The following RALGAPA1 variants were observed in gnomAD, a reference collection of about 807,000 sequenced individuals.
The protein encoded by RALGAPA1 is Ral GTPase activating protein catalytic subunit alpha 1.
In RALGAPA1, 52 loss-of-function variants were observed where a neutral mutation model predicts 269.6. The observed-to-expected ratio is 0.19, with a 90% CI of 0.15 to 0.24. RALGAPA1 has a LOEUF of 0.24. RALGAPA1 is among the 10% of genes least tolerant of loss of function. The pLI is 1.00. For missense variants in RALGAPA1, 1,917 were observed against 3,013.9 expected, an observed-to-expected ratio of 0.64 and a Z score of 8.52; for synonymous variants, 817 against 1,008.3, an observed-to-expected ratio of 0.81 and a Z score of 3.60.
chr14:35,735,533 A>C (rs920644289), intron 12 of RALGAPA1, among the ~76,000 whole-genome samples: 1 of 152,138 alleles, frequency 6.6e-6, no homozygotes, highest in African/African-American at 2.4e-5. Flanking sequence ...CATGAGAATG[A>C]TACAAGGGAC....
intron 27 of RALGAPA1, among the ~76,000 whole-genome samples, chr14:35,660,286 T>C (rs2063453583): frequency 6.6e-6 from 1 of 151,980 alleles, no homozygotes; most frequent in African/African-American, 2.4e-5. Context: ...CAAAAAACTG[T>C]TAGAACTAAT....
At chr14:35,749,006 G>A (rs1318478006) in intron 9 of RALGAPA1, among the ~76,000 whole-genome samples, 182 bp from the exon 10 acceptor site, 1 of 152,126 alleles carries the variant, frequency 6.6e-6, no homozygotes, top group East Asian at 1.9e-4. Flanking sequence ...AAGTGGCAAT[G>A]CAAGTAACTC....
chr14:35,772,359 G>A (rs946148040), intron 3 of RALGAPA1, among the ~76,000 whole-genome samples: 5 of 152,156 alleles, frequency 3.3e-5, no homozygotes, highest in Admixed American at 2.0e-4. Flanking sequence ...CCCGGACAGA[G>A]AGCAGGATTT....
chr14:35,784,563 G>A (rs2075674687), intron 1 of RALGAPA1, among the ~76,000 whole-genome samples: 1 of 151,988 alleles, frequency 6.6e-6, no homozygotes, highest in South Asian at 2.1e-4. Context: ...TCAACCCCTT[G>A]ACATCCTAAT....
chr14:35,802,702 A>G (rs1329482995), intron 1 of RALGAPA1, among the ~76,000 whole-genome samples: 1 of 151,110 alleles, frequency 6.6e-6, no homozygotes, highest in East Asian at 1.9e-4. Flanking sequence ...TAAAAAAAAA[A>G]ATACAGTGTC....
intron 39 of RALGAPA1, among the ~76,000 whole-genome samples, chr14:35,560,048 A>T (rs2056048065): frequency 6.6e-6 from 1 of 152,242 alleles, no homozygotes; most frequent in Non-Finnish European, 1.5e-5. Flanking sequence ...TAATTATCAT[A>T]AAAAAGACTT....
At chr14:35,583,622 G>A (rs1381403628) in intron 37 of RALGAPA1, among the ~76,000 whole-genome samples, 1 of 152,106 alleles carries the variant, frequency 6.6e-6, no homozygotes. Flanking sequence ...ACACCACGCA[G>A]GGTAAATGTC....
At chr14:35,606,796 T>C (rs1311896816) in intron 35 of RALGAPA1, among the ~76,000 whole-genome samples, 2 of 150,638 alleles carry the variant, frequency 1.3e-5, no homozygotes, top group South Asian at 4.2e-4. Context: ...TAAATAAGGA[T>C]TAAAGTTCTT....
intron 37 of RALGAPA1, among the ~76,000 whole-genome samples, chr14:35,588,271 T>C (rs1208695955): frequency 6.6e-6 from 1 of 152,194 alleles, no homozygotes; most frequent in African/African-American, 2.4e-5. Flanking sequence ...ATTTGTCTTA[T>C]TTGCTATGAT....
intron 9 of RALGAPA1, 80 bp from the exon 10 acceptor site, chr14:35,748,904 T>C: frequency 7.0e-7 from 1 of 1,438,340 alleles, no homozygotes; most frequent in Non-Finnish European, 9.1e-7. Context: ...TAATAGGTAA[T>C]ACTGACAAAA....
intron 12 of RALGAPA1, among the ~76,000 whole-genome samples, chr14:35,730,220 T>C (rs1275350777): frequency 2.0e-5 from 3 of 152,028 alleles, no homozygotes; most frequent in Non-Finnish European, 2.9e-5. Context: ...GAGGAAGCAG[T>C]AGGAAATGCC....
chr14:35,675,751 T>C (rs2064883971), intron 22 of RALGAPA1, among the ~76,000 whole-genome samples: 1 of 152,118 alleles, frequency 6.6e-6, no homozygotes, highest in Non-Finnish European at 1.5e-5. Context: ...TGGAAAAGGC[T>C]ATAGAAAATA....
intron 39 of RALGAPA1, among the ~76,000 whole-genome samples, chr14:35,563,996 A>C (rs978032217): frequency 2.6e-5 from 4 of 152,140 alleles, no homozygotes; most frequent in African/African-American, 9.7e-5. Flanking sequence ...TACCATCATA[A>C]AGCTGAACCA....
At position 35,683,955 on chromosome 14, in the gene RALGAPA1, G is replaced by A. The variant is rs766201314; in HGVS notation, c.4325C>T (p.Thr1442Met). 33 of 1,612,180 alleles carry A rather than the reference G, an allele frequency of 2.0e-5. No individual in the cohort carries two copies. The highest frequency in any genetic ancestry group is 9.4e-5 in the African/African-American group (7 of 74,806). ...ACCTGAATCCACATCAGCAGAGGACGTAACCCCAGTGTCGGTTCCAAAGCC... is the reference window on the plus strand; with the variant it reads ...ACCTGAATCCACATCAGCAGAGGACATAACCCCAGTGTCGGTTCCAAAGCC... Reference protein sequence around the residue: ...NFGFGTDTGVTSSADVDSGSG... With the variant: ...NFGFGTDTGVMSSADVDSGSG... Residue 1442 changes from threonine to methionine, a missense_variant, in exon 21 of 42, where the codon ACG becomes ATG. This residue lies in a region of RALGAPA1 where 615 missense variants were observed against 790.0 expected (regional missense o/e 0.78). Transcript: ENST00000680220.
At chr14:35,715,243 T>C (rs1221614944) in intron 16 of RALGAPA1, among the ~76,000 whole-genome samples, 4 of 152,202 alleles carry the variant, frequency 2.6e-5, no homozygotes, top group Non-Finnish European at 5.9e-5. Context: ...CTCCTTCACA[T>C]TTCCCGTCTC....
intron 16 of RALGAPA1, chr14:35,715,763 T>C: frequency 1.0e-6 from 1 of 985,316 alleles, no homozygotes; most frequent in South Asian, 4.7e-5. Context: ...AGTCTTCAAT[T>C]CAGTCATCCA....
chr14:35,552,121 A>G (rs1174178534), intron 39 of RALGAPA1, among the ~76,000 whole-genome samples: 1 of 152,158 alleles, frequency 6.6e-6, no homozygotes, highest in Admixed American at 6.6e-5. Flanking sequence ...AAATAAATAA[A>G]TAACAACATG....
At chr14:35,588,217 T>C (rs544524494) in intron 37 of RALGAPA1, among the ~76,000 whole-genome samples, 455 of 152,308 alleles carry the variant, frequency 3.0e-3, no homozygotes, top group Non-Finnish European at 5.2e-3. Context: ...GCGTGAGCCA[T>C]CGCTCCCGGC....
At chr14:35,622,896 C>G (rs955683139) in intron 35 of RALGAPA1, among the ~76,000 whole-genome samples, 1 of 152,052 alleles carries the variant, frequency 6.6e-6, no homozygotes, top group Non-Finnish European at 1.5e-5. Context: ...GCTAGGTGTT[C>G]AAGGCCAGCC....
Sources: allele counts gnomAD v4.1 joint callset (sites outside exome capture counted in the v4.1 genomes callset), GRCh38; gene constraint gnomAD v4.1.1; regional missense constraint gnomAD v4.1.1; transcripts MANE v1.5; gene names NCBI Gene and HGNC (gene_info 2026-07-23, HGNC 2026-07-21).